The following ATP8A1 variants were observed in gnomAD, a reference collection of about 807,000 sequenced individuals.
ATP8A1 encodes the protein phospholipid-transporting ATPase IA.
Under a neutral mutation model 177.7 loss-of-function variants are expected in ATP8A1, and 90 were observed. That is an observed-to-expected ratio of 0.51 (90% CI 0.43 to 0.60). The LOEUF is 0.60. Ranked by LOEUF, ATP8A1 falls within the 20% of genes least tolerant of loss-of-function variation. ATP8A1 has a pLI of 0.00. For missense variants in ATP8A1, 1,072 were observed against 1,392.8 expected, an observed-to-expected ratio of 0.77 and a Z score of 3.67; for synonymous variants, 493 against 485.9, an observed-to-expected ratio of 1.01 and a Z score of -0.19.
At chr4:42,518,787 G>A (rs1056676275) in intron 22 of ATP8A1, among the ~76,000 whole-genome samples, 4 of 152,178 alleles carry the variant, frequency 2.6e-5, no homozygotes, top group Non-Finnish European at 4.4e-5. Flanking sequence ...TAAGGAAGAA[G>A]ACAATGGATG....
chr4:42,493,391 A>C (rs898681794), intron 24 of ATP8A1, among the ~76,000 whole-genome samples: 1 of 152,234 alleles, frequency 6.6e-6, no homozygotes, highest in African/African-American at 2.4e-5. Flanking sequence ...GATAAAAGTT[A>C]AACAGGAAAT....
intron 14 of ATP8A1, among the ~76,000 whole-genome samples, chr4:42,571,133 T>C (rs909270346): frequency 1.4e-4 from 22 of 152,184 alleles, no homozygotes; most frequent in African/African-American, 4.6e-4. Flanking sequence ...AAGATAAACA[T>C]GGCTGTAGCA....
intron 5 of ATP8A1, among the ~76,000 whole-genome samples, chr4:42,601,986 T>C (rs1302544079): frequency 8.3e-6 from 1 of 119,808 alleles, no homozygotes; most frequent in Non-Finnish European, 1.8e-5. Context: ...ACATACATTA[T>C]GTCTTAGCCA....
intron 30 of ATP8A1, among the ~76,000 whole-genome samples, chr4:42,450,290 G>A (rs1379473206): frequency 6.6e-6 from 1 of 152,186 alleles, no homozygotes; most frequent in East Asian, 1.9e-4. Context: ...TAAAAAAAAT[G>A]TAAGTAGTTG....
rs1387855847 is a variant in ATP8A1, at chr4:42,601,036, T to TC, written c.410-519_410-518insG. 2.6e-3 allele frequency among the ~76,000 whole-genome samples: 297 copies of TC among 112,414 alleles called. 2 individuals are homozygous for TC. Among genetic ancestry groups the TC allele is most frequent in the Non-Finnish European group, 4.6e-3 (227 of 49,550 alleles). The allele number at this position is 112,414 out of a possible 152,430, so 73.7% of individuals were successfully genotyped here. A position where few individuals can be genotyped will look rare whatever the true frequency, so the allele number is the denominator to read the frequency against. On this transcript the variant is annotated intron_variant, in intron 5 of 36. Coordinates refer to ENST00000381668, the MANE Select transcript of ATP8A1 (RefSeq NM_006095.2). ...AAGCAAAAACAACCCAAATTTTCTT[T>TC]TTTTTTTTTTTTTTTTTGAGATGGA...
chr4:42,656,870 G>A lies in ATP8A1; in HGVS notation c.4C>T (p.Pro2Ser). 1.9e-6 allele frequency: 3 copies of A among 1,585,678 alleles called. No homozygotes were observed. Among genetic ancestry groups the A allele is most frequent in the Non-Finnish European group, 2.6e-6 (3 of 1,166,200 alleles). Residue 2 changes from proline (P) to serine (S), a missense_variant, in exon 1 of 37, where the codon CCC becomes TCC. Transcript: ENST00000381668. ...TCCGACACGGTCCTCCGCATGGTGG[G>A]CATCGCGGCGGCGGCTGCAGGTGGG... is the stretch of plus-strand genomic sequence containing the variant. MPTMRRTVSEIR... is the reference protein window; with the variant it reads MSTMRRTVSEIR...
chr4:42,619,651 A>G (rs1387341507), intron 4 of ATP8A1, among the ~76,000 whole-genome samples: 2 of 151,596 alleles, frequency 1.3e-5, no homozygotes, highest in African/African-American at 4.8e-5. Flanking sequence ...AAATCTATAT[A>G]TATAGAGAGA....
At chr4:42,482,192 A>G (rs1721738135) in intron 25 of ATP8A1, among the ~76,000 whole-genome samples, 1 of 16,602 alleles carries the variant, frequency 6.0e-5, no homozygotes, top group African/African-American at 6.6e-5. Context: ...AATTCCAGCT[A>G]CTCGGGAGCT....
chr4:42,555,085 GTATCTATCTATCTATCTATC>G (rs200520162), intron 16 of ATP8A1, among the ~76,000 whole-genome samples: 138 of 119,568 alleles, frequency 1.2e-3, no homozygotes, highest in South Asian at 6.5e-3. Flanking sequence ...CTTTGTGTGT[GTATCTATCTATCTATCTATC>G]TATCTATCTA....
chr4:42,435,461 A>AAAAAAAAAAAAAC lies in ATP8A1; in HGVS notation c.3123+8103_3123+8104insGTTTTTTTTTTTT, dbSNP rs1553871738. 1.1e-3 allele frequency among the ~76,000 whole-genome samples: 134 copies of AAAAAAAAAAAAAC among 122,322 alleles called. 14 individuals are homozygous for AAAAAAAAAAAAAC. Among genetic ancestry groups the AAAAAAAAAAAAAC allele is most frequent in the East Asian group, 3.6e-3 (14 of 3,922 alleles). The allele number at this position is 122,322 out of a possible 152,430, so 80.2% of individuals were successfully genotyped here. A position where few individuals can be genotyped will look rare whatever the true frequency, so the allele number is the denominator to read the frequency against. ...AAAAAAAAAAAAAACAAAAAAAAAA[A>AAAAAAAAAAAAAC]AACAAACTATCTCCAGTTATGAGCT... is the stretch of plus-strand genomic sequence containing the variant. On this transcript the variant is annotated intron_variant, in intron 33 of 36. Transcript: ENST00000381668.
Position 42,543,938 on chromosome 4 carries a change from T to C in ATP8A1, c.1701A>G (p.Leu567=), listed in dbSNP as rs183217125. Residue 567 remains leucine (L), a synonymous_variant, in exon 20 of 37, where the codon TTA becomes TTG. Transcript: ENST00000381668. The part of the protein sequence containing the change: ...SVIVRTPSGK[L]RLYCKGADTV... Reference sequence around the variant, plus strand: ...TTACAGCTCCTTTGCAGTAGAGTCGTAACTTTCCAGATGGAGTGCGAACAA... The same window carrying C: ...TTACAGCTCCTTTGCAGTAGAGTCGCAACTTTCCAGATGGAGTGCGAACAA... 4.9e-4 allele frequency: 790 copies of C among 1,612,844 alleles called. 8 individuals are homozygous for C. In the East Asian group the frequency reaches 0.017, roughly 34 times the overall value.
At chr4:42,506,682 T>C (rs141930109) in intron 23 of ATP8A1, among the ~76,000 whole-genome samples, 64 of 149,224 alleles carry the variant, frequency 4.3e-4, no homozygotes, top group African/African-American at 1.5e-3. Context: ...GCCCGAGCTA[T>C]TATAAACTCT....
At chr4:42,458,584 AC>A (rs1164944115) in intron 27 of ATP8A1, among the ~76,000 whole-genome samples, 1 of 152,232 alleles carries the variant, frequency 6.6e-6, no homozygotes, top group Non-Finnish European at 1.5e-5. Flanking sequence ...AGAGCTTTAT[AC>A]CACCATCTGC....
chr4:42,546,072 A>C (rs1728886875), intron 19 of ATP8A1, among the ~76,000 whole-genome samples: 1 of 152,114 alleles, frequency 6.6e-6, no homozygotes. Context: ...ATATGATGGA[A>C]GAAACATTTT....
At chr4:42,575,042 A>T (rs1732303511) in intron 13 of ATP8A1, among the ~76,000 whole-genome samples, 1 of 152,244 alleles carries the variant, frequency 6.6e-6, no homozygotes, top group Non-Finnish European at 1.5e-5. Context: ...TCAATGCAAC[A>T]GGCAATTGTA....
intron 20 of ATP8A1, among the ~76,000 whole-genome samples, chr4:42,532,522 A>G (rs1727378410): frequency 6.6e-6 from 1 of 152,168 alleles, no homozygotes; most frequent in African/African-American, 2.4e-5. Flanking sequence ...AAAAAAATAG[A>G]AAACATCCCA....
At chr4:42,465,499 A>G (rs1222856477) in intron 25 of ATP8A1, among the ~76,000 whole-genome samples, 1 of 152,250 alleles carries the variant, frequency 6.6e-6, no homozygotes, top group Admixed American at 6.5e-5. Context: ...TAGATAATGT[A>G]CTATACACTT....
chr4:42,561,200 C>T (rs1318350539), intron 15 of ATP8A1, among the ~76,000 whole-genome samples: 1 of 152,150 alleles, frequency 6.6e-6, no homozygotes, highest in African/African-American at 2.4e-5. Flanking sequence ...TGCACGGCTG[C>T]TGCTCAGGTG....
chr4:42,655,690 G>T (rs575211739), intron 1 of ATP8A1, among the ~76,000 whole-genome samples: 5 of 152,272 alleles, frequency 3.3e-5, no homozygotes, highest in African/African-American at 1.2e-4. Context: ...CCCCACAGCA[G>T]TTTCATTTAA....
Sources: gnomAD v4.1 joint callset for allele counts (sites outside exome capture counted in the v4.1 genomes callset) on GRCh38, gnomAD v4.1.1 for gene constraint, MANE v1.5 for transcripts, NCBI Gene and HGNC (gene_info 2026-07-23, HGNC 2026-07-21) for gene names.